The following CDH13 variants were observed in gnomAD, a reference collection of about 807,000 sequenced individuals.
CDH13 encodes the protein cadherin 13.
Under a neutral mutation model 63.8 loss-of-function variants are expected in CDH13, and 24 were observed. The ratio of observed to expected loss-of-function variants is 0.38; its 90% confidence interval spans 0.27 to 0.53. The LOEUF is 0.53. Among genes scored for constraint, CDH13 ranks in the 20% least tolerant of loss-of-function variants. The pLI is 0.85. For synonymous variants in CDH13, 503 were observed against 355.3 expected, an observed-to-expected ratio of 1.42 and a Z score of -4.67; for missense variants, 1,049 against 903.1, an observed-to-expected ratio of 1.16 and a Z score of -2.07.
chr16:83,086,504 A>G (rs780447832), intron 3 of CDH13, among the ~76,000 whole-genome samples: 4 of 152,318 alleles, frequency 2.6e-5, no homozygotes, highest in Non-Finnish European at 5.9e-5. Context: ...TCCTTTATCA[A>G]GGATTGAGCC....
chr16:82,705,348 A>G (rs938169257), intron 1 of CDH13: 1 of 352,974 alleles, frequency 2.8e-6, no homozygotes, highest in Non-Finnish European at 5.5e-6. Flanking sequence ...GCCCAGAGAT[A>G]TAACAATTAG....
At chr16:83,365,890 A>G (rs1456173940) in intron 6 of CDH13, among the ~76,000 whole-genome samples, 1 of 152,182 alleles carries the variant, frequency 6.6e-6, no homozygotes, top group East Asian at 1.9e-4. Flanking sequence ...ATGCTGGAAA[A>G]GGATTTTTCC....
chr16:83,293,604 A>C (rs1260519427), intron 5 of CDH13, among the ~76,000 whole-genome samples: 1 of 152,230 alleles, frequency 6.6e-6, no homozygotes, highest in African/African-American at 2.4e-5. Flanking sequence ...TTACTAATCA[A>C]ATACATAACA....
At chr16:83,567,978 C>T (rs182282880) in intron 7 of CDH13, among the ~76,000 whole-genome samples, 205 of 152,278 alleles carry the variant, frequency 1.3e-3, no homozygotes, top group Middle Eastern at 3.4e-3. Context: ...AGAGTGCTGC[C>T]CACATTCACT....
intron 2 of CDH13, among the ~76,000 whole-genome samples, chr16:82,891,559 T>C (rs2041082454): frequency 6.6e-6 from 1 of 152,216 alleles, no homozygotes; most frequent in Non-Finnish European, 1.5e-5. Flanking sequence ...CTCCAACTGC[T>C]CATGCACTTA....
chr16:82,741,856 T>C (rs1001931182), intron 1 of CDH13, among the ~76,000 whole-genome samples: 1 of 152,188 alleles, frequency 6.6e-6, no homozygotes. Flanking sequence ...AACTGACAAC[T>C]TTCAGGGATT....
chr16:83,604,824 G>C (rs565638515), intron 8 of CDH13, among the ~76,000 whole-genome samples: 1 of 152,304 alleles, frequency 6.6e-6, no homozygotes, highest in Non-Finnish European at 1.5e-5. Flanking sequence ...AGCTGTGTGA[G>C]ATTAATTAGT....
intron 5 of CDH13, among the ~76,000 whole-genome samples, chr16:83,220,976 C>T (rs897536633): frequency 2.0e-5 from 3 of 152,202 alleles, no homozygotes; most frequent in African/African-American, 7.2e-5. Context: ...ATCCATTTCA[C>T]ACAAGAGACT....
chr16:82,921,497 A>T (rs1286549869), intron 2 of CDH13, among the ~76,000 whole-genome samples: 2 of 152,208 alleles, frequency 1.3e-5, no homozygotes, highest in African/African-American at 4.8e-5. Flanking sequence ...ATAACCTAGG[A>T]TCATCTCCCC....
intron 3 of CDH13, among the ~76,000 whole-genome samples, chr16:83,109,680 T>C (rs949357851): frequency 6.6e-6 from 1 of 151,976 alleles, no homozygotes; most frequent in Non-Finnish European, 1.5e-5. Flanking sequence ...GAGGCAGGAG[T>C]ACATATGTGT....
chr16:83,157,403 A>G (rs1000445160), intron 4 of CDH13, among the ~76,000 whole-genome samples: 4 of 152,192 alleles, frequency 2.6e-5, no homozygotes, highest in Non-Finnish European at 5.9e-5. Flanking sequence ...ATCTTGGTCA[A>G]TTGGATGAGT....
In CDH13 at chr16:82,804,310, CACG is replaced by C. The variant is rs1251719029; in HGVS notation, c.46-54051_46-54049del. 5.5e-5 allele frequency among the ~76,000 whole-genome samples: 7 copies of C among 126,550 alleles called. No homozygotes were observed. In the Admixed American group the frequency reaches 5.7e-4, roughly 10 times the overall value. 83.0% of individuals were successfully genotyped at this position (126,550 alleles called of 152,430 possible). On this transcript the variant is annotated intron_variant, in intron 1 of 13. Transcript: ENST00000567109. ...ACACACACACACACACACACACACA[CACG>C]CACACACATACAAATACAAAGAAAT... is the stretch of plus-strand genomic sequence containing the variant.
At chr16:83,783,908 G>A (rs1420169587) in intron 13 of CDH13, among the ~76,000 whole-genome samples, 1 of 152,178 alleles carries the variant, frequency 6.6e-6, no homozygotes, top group African/African-American at 2.4e-5. Context: ...TGGATGGAGG[G>A]TGGGCTGCAG....
At chr16:83,049,319 T>C (rs1289483021) in intron 3 of CDH13, among the ~76,000 whole-genome samples, 1 of 131,884 alleles carries the variant, frequency 7.6e-6, no homozygotes, top group Middle Eastern at 3.8e-3. Context: ...CATTTATGAC[T>C]GGCCTCTTTT....
intron 3 of CDH13, among the ~76,000 whole-genome samples, chr16:83,040,949 A>G (rs569593475): frequency 4.6e-5 from 7 of 152,268 alleles, no homozygotes; most frequent in African/African-American, 1.7e-4. Flanking sequence ...TGTAACCTGT[A>G]TATATTCAGG....
intron 1 of CDH13, among the ~76,000 whole-genome samples, chr16:82,668,226 G>A (rs1224038848): frequency 6.6e-6 from 1 of 152,116 alleles, no homozygotes. Context: ...GACTTTGGTT[G>A]TTCCCCGTGT....
rs560042746 is a variant in CDH13, at chr16:82,730,231, G to A, written c.45+103094G>A. On this transcript the variant is annotated intron_variant, in intron 1 of 13. Transcript: ENST00000567109. ...ATTGGCCTAAGAGGCCTAGCTTTTG[G>A]CCGGTCTTGGCTTTCAACATACTTT... Among the ~76,000 whole-genome samples the A allele has an allele frequency of 6.8e-4, 103 of 152,262 alleles. 4 individuals are homozygous for A. In the South Asian group the frequency reaches 0.02, roughly 30 times the overall value.
At chr16:82,931,281 T>G (rs944501892) in intron 2 of CDH13, among the ~76,000 whole-genome samples, 3 of 152,238 alleles carry the variant, frequency 2.0e-5, no homozygotes, top group Non-Finnish European at 2.9e-5. Flanking sequence ...AATAATACTT[T>G]TTTGAAAGCG....
intron 5 of CDH13, among the ~76,000 whole-genome samples, chr16:83,249,097 A>G (rs1905239884): frequency 6.6e-6 from 1 of 152,140 alleles, no homozygotes; most frequent in Non-Finnish European, 1.5e-5. Context: ...TAAAACACAA[A>G]TTCACCAACT....
Sources: gnomAD v4.1 joint callset for allele counts (sites outside exome capture counted in the v4.1 genomes callset) on GRCh38, gnomAD v4.1.1 for gene constraint, MANE v1.5 for transcripts, NCBI Gene and HGNC (gene_info 2026-07-23, HGNC 2026-07-21) for gene names.